DCC: variants seen among roughly 807,000 people sequenced by gnomAD.
DCC encodes the protein DCC netrin 1 receptor.
In DCC, 58 loss-of-function variants were observed where a neutral mutation model predicts 172.5. The ratio of observed to expected loss-of-function variants is 0.34; its 90% CI spans 0.27 to 0.42. The LOEUF is 0.42. Among genes scored for constraint, DCC ranks in the 10% least tolerant of loss-of-function variants. The pLI is 1.00. For missense variants in DCC, 1,740 were observed against 1,791.0 expected, an observed-to-expected ratio of 0.97 and a Z score of 0.51; for synonymous variants, 709 against 644.5, an observed-to-expected ratio of 1.10 and a Z score of -1.52.
intron 2 of DCC, among the ~76,000 whole-genome samples, chr18:52,872,822 A>C (rs2039343051): frequency 6.6e-6 from 1 of 152,210 alleles, no homozygotes; most frequent in Non-Finnish European, 1.5e-5. Context: ...GGCTTTGATC[A>C]CTTGTAAGAG....
chr18:52,596,201 T>C (rs1373450235), intron 1 of DCC, among the ~76,000 whole-genome samples: 1 of 152,210 alleles, frequency 6.6e-6, no homozygotes, highest in Non-Finnish European at 1.5e-5. Context: ...AGGGCAGCCT[T>C]CTACCTATAA....
chr18:53,261,095 A>G (rs1409092582), intron 12 of DCC, among the ~76,000 whole-genome samples: 1 of 152,110 alleles, frequency 6.6e-6, no homozygotes, highest in Admixed American at 6.5e-5. Flanking sequence ...TCCAGGTGCC[A>G]TCTCTCACCC....
At chr18:52,892,067 A>T (rs1555678527) in intron 2 of DCC, among the ~76,000 whole-genome samples, 2 of 152,120 alleles carry the variant, frequency 1.3e-5, no homozygotes, top group Non-Finnish European at 1.5e-5. Flanking sequence ...TTACAGCCCC[A>T]GGTTAATCTT....
chr18:52,817,704 C>T (rs1215626627), intron 2 of DCC, among the ~76,000 whole-genome samples: 2 of 151,906 alleles, frequency 1.3e-5, no homozygotes, highest in Admixed American at 6.6e-5. Context: ...TACATAGACA[C>T]CCACATATTT....
At chr18:52,930,326 G>T (rs1354282559) in intron 5 of DCC, among the ~76,000 whole-genome samples, 1 of 152,004 alleles carries the variant, frequency 6.6e-6, no homozygotes, top group Admixed American at 6.6e-5. Context: ...AGGTGTGGTG[G>T]CTTGCACCTG....
chr18:53,107,591 C>A (rs1699395601), intron 7 of DCC, among the ~76,000 whole-genome samples: 1 of 143,624 alleles, frequency 7.0e-6, no homozygotes, highest in Non-Finnish European at 1.5e-5. Context: ...ACAGCTTATA[C>A]TAAAGTTTGT....
At chr18:53,504,283 G>A (rs2046141526) in intron 27 of DCC, among the ~76,000 whole-genome samples, 1 of 152,156 alleles carries the variant, frequency 6.6e-6, no homozygotes, top group Non-Finnish European at 1.5e-5. Context: ...CCACACGAGT[G>A]TTCCATTCTG....
At chr18:53,344,447 T>C (rs1442025515) in intron 15 of DCC, among the ~76,000 whole-genome samples, 3 of 139,706 alleles carry the variant, frequency 2.1e-5, no homozygotes, top group East Asian at 2.0e-4. Flanking sequence ...TTTCTTTTTT[T>C]TTTTTTTTTT....
intron 15 of DCC, among the ~76,000 whole-genome samples, chr18:53,346,812 C>T (rs1170558742): frequency 6.6e-6 from 1 of 152,068 alleles, no homozygotes; most frequent in African/African-American, 2.4e-5. Context: ...ACTATATTTA[C>T]CATTTTTTTG....
chr18:53,467,844 G>T (rs1299523950), intron 24 of DCC, 50 bp from the exon 25 acceptor site: 6 of 914,102 alleles, frequency 6.6e-6, no homozygotes, highest in Non-Finnish European at 1.1e-5. Flanking sequence ...ATTAGGTAAA[G>T]TGTTGCATCC....
At chr18:52,702,758 C>A (rs542987255) in intron 1 of DCC, among the ~76,000 whole-genome samples, 1 of 152,090 alleles carries the variant, frequency 6.6e-6, no homozygotes, top group Non-Finnish European at 1.5e-5. Context: ...TCATTCAAAC[C>A]AATTACCTAC....
At chr18:53,455,858 T>C (rs2045476488) in intron 23 of DCC, among the ~76,000 whole-genome samples, 1 of 152,266 alleles carries the variant, frequency 6.6e-6, no homozygotes, top group African/African-American at 2.4e-5. Flanking sequence ...ACAATCATTT[T>C]TTAAGCTTTC....
intron 15 of DCC, among the ~76,000 whole-genome samples, chr18:53,358,530 CTTTTTTT>C (rs35093625): frequency 2.1e-5 from 2 of 95,920 alleles, no homozygotes; most frequent in African/African-American, 8.7e-5. Flanking sequence ...TTCTCTCTCT[CTTTTTTT>C]TTTTTTTTTT....
chr18:53,530,253 T>C (rs990821847), intron 28 of DCC: 14 of 686,804 alleles, frequency 2.0e-5, no homozygotes, highest in Non-Finnish European at 3.2e-5. Context: ...ATCAGAGAGG[T>C]GCACTCACTT....
At chr18:52,913,386 A>C (rs566770217) in intron 3 of DCC, among the ~76,000 whole-genome samples, 1 of 152,106 alleles carries the variant, frequency 6.6e-6, no homozygotes, top group African/African-American at 2.4e-5. Context: ...ACGGACATCA[A>C]CAAGGCTCAG....
intron 14 of DCC, among the ~76,000 whole-genome samples, chr18:53,328,522 T>G (rs903666259): frequency 3.3e-5 from 5 of 152,044 alleles, no homozygotes; most frequent in Non-Finnish European, 7.4e-5. Context: ...CTTTGACTGT[T>G]GTGTTGTTGT....
intron 7 of DCC, among the ~76,000 whole-genome samples, chr18:53,126,549 A>G (rs1318174421): frequency 6.6e-6 from 1 of 152,146 alleles, no homozygotes; most frequent in Non-Finnish European, 1.5e-5. Flanking sequence ...GGGAAAGTGG[A>G]GCTATTTTGG....
rs190716001 is a variant in DCC at position 52,458,254 on chromosome 18, C to T, written c.91+117376C>T. Among the ~76,000 whole-genome samples, 181 of 152,296 alleles carry T rather than the reference C, an allele frequency of 1.2e-3. 1 individual carries two copies. The highest frequency in any genetic ancestry group is 1.9e-3 in the Non-Finnish European group (132 of 68,020). On this transcript the variant is annotated intron_variant, in intron 1 of 28. Transcript: ENST00000442544. The stretch of plus-strand genomic sequence containing the variant: ...GGCTGCCCCTGGGGCACCTCCACCA[C>T]CATCCTGGTCCTGACAGTAGTTTAT...
intron 1 of DCC, among the ~76,000 whole-genome samples, chr18:52,475,786 A>G (rs533780098): frequency 1.0e-3 from 153 of 152,270 alleles, no homozygotes; most frequent in African/African-American, 3.4e-3. Flanking sequence ...AATAATGATG[A>G]ATTTCTCAAA....
Sources: gnomAD v4.1 joint callset for allele counts (sites outside exome capture counted in the v4.1 genomes callset) on GRCh38, gnomAD v4.1.1 for gene constraint, MANE v1.5 for transcripts, NCBI Gene and HGNC (gene_info 2026-07-23, HGNC 2026-07-21) for gene names.